ABCC9: variants seen among roughly 807,000 people sequenced by gnomAD.
ABCC9 encodes the protein ATP binding cassette subfamily C member 9, also known as ATP-binding cassette sub-family C member 9.
ABCC9 carries 95 observed loss-of-function variants against 188.3 expected under a neutral mutation model. The observed-to-expected ratio is 0.50, with a 90% CI of 0.43 to 0.60. The LOEUF (loss-of-function observed/expected upper bound fraction) is 0.60, where lower values mean the gene tolerates loss of function less well. Among genes scored for constraint, ABCC9 ranks in the 20% least tolerant of loss-of-function variants. The pLI, the probability that ABCC9 is intolerant of heterozygous loss-of-function variation, is 0.00. For synonymous variants in ABCC9, 659 were observed against 652.7 expected (o/e 1.01, Z -0.15); for missense variants, 1,102 against 1,876.3 (o/e 0.59, Z 7.62).
chr12:21,896,923 T>C (rs1947459383), intron 12 of ABCC9, among the ~76,000 whole-genome samples: 1 of 152,242 alleles, frequency 6.6e-6, no homozygotes, highest in Non-Finnish European at 1.5e-5. Flanking sequence ...TACATTCCTT[T>C]GGGTATATAC....
chr12:21,911,232 G>C (rs995275688), intron 8 of ABCC9, among the ~76,000 whole-genome samples: 5 of 151,822 alleles, frequency 3.3e-5, no homozygotes, highest in Non-Finnish European at 5.9e-5. Flanking sequence ...TTCCTGCAAA[G>C]GTATATCCAA....
At chr12:21,826,815 A>G (rs1288866939) in intron 31 of ABCC9, among the ~76,000 whole-genome samples, 1 of 152,166 alleles carries the variant, frequency 6.6e-6, no homozygotes, top group Non-Finnish European at 1.5e-5. Context: ...AAATCAACAA[A>G]CGTTTCTTGC....
intron 4 of ABCC9, among the ~76,000 whole-genome samples, chr12:21,931,653 T>C (rs1949293503): frequency 6.6e-6 from 1 of 152,148 alleles, no homozygotes; most frequent in South Asian, 2.1e-4. Flanking sequence ...GGAGTCTTCT[T>C]GTCCACATGA....
chr12:21,875,761 T>G, intron 16 of ABCC9, 35 bp from the exon 17 acceptor site: 2 of 1,492,468 alleles, frequency 1.3e-6, no homozygotes, highest in Non-Finnish European at 1.9e-6. Context: ...AAATTATATG[T>G]GTGGTATCAA....
chr12:21,870,000 A>C (rs1431565854), intron 18 of ABCC9, among the ~76,000 whole-genome samples: 2 of 152,178 alleles, frequency 1.3e-5, no homozygotes, highest in Non-Finnish European at 2.9e-5. Flanking sequence ...ATCAAACTAG[A>C]TGTTGAAGAT....
chr12:21,841,448 T>G lies in ABCC9; in HGVS notation c.3473+866A>C, dbSNP rs546686037. Among the ~76,000 whole-genome samples, 3 of 144,496 alleles carry G rather than the reference T, an allele frequency of 2.1e-5. No homozygotes were observed. In the East Asian group the frequency reaches 6.4e-4, roughly 31 times the overall value. The allele number at this position is 144,496 out of a possible 152,430, so 94.8% of individuals were successfully genotyped here. A position where few individuals can be genotyped will look rare whatever the true frequency, so the allele number is the denominator to read the frequency against. On this transcript the variant is annotated intron_variant, in intron 29 of 39. Coordinates refer to ENST00000261200, the MANE Select transcript of ABCC9 (RefSeq NM_020297.4). ...ATCTCAGCTCACTGCAAGCTCTGCCTCCCGGGTTCAAGCGATTCTACTGCC... is the reference window on the plus strand; with the variant it reads ...ATCTCAGCTCACTGCAAGCTCTGCCGCCCGGGTTCAAGCGATTCTACTGCC...
intron 2 of ABCC9, among the ~76,000 whole-genome samples, chr12:21,939,494 C>T (rs542412325): frequency 2.6e-5 from 4 of 152,252 alleles, no homozygotes; most frequent in Non-Finnish European, 4.4e-5. Flanking sequence ...TAATGTTTCC[C>T]TCCCAGACAC....
chr12:21,825,755 C>G (rs566196719), intron 31 of ABCC9, among the ~76,000 whole-genome samples: 7 of 152,118 alleles, frequency 4.6e-5, no homozygotes, highest in Non-Finnish European at 1.0e-4. Context: ...TACAAACATG[C>G]ATGTTCTGCG....
At chr12:21,891,796 C>G (rs1354394289) in intron 14 of ABCC9, among the ~76,000 whole-genome samples, 3 of 152,134 alleles carry the variant, frequency 2.0e-5, no homozygotes, top group African/African-American at 7.2e-5. Context: ...ATTTCAAAAT[C>G]AGCTGACCAA....
At chr12:21,912,845 T>C in intron 8 of ABCC9, 27 bp downstream of exon 8, 1 of 1,606,272 alleles carries the variant, frequency 6.2e-7, no homozygotes, top group African/African-American at 1.3e-5. Context: ...AATAATATGT[T>C]TCCATTGAAA....
intron 15 of ABCC9, among the ~76,000 whole-genome samples, chr12:21,883,521 A>G (rs1453992871): frequency 6.6e-6 from 1 of 152,154 alleles, no homozygotes; most frequent in African/African-American, 2.4e-5. Context: ...TCTTTCCTTT[A>G]TAAATTACCC....
At chr12:21,917,312 C>T (rs145742938) in intron 5 of ABCC9, among the ~76,000 whole-genome samples, 179 of 152,144 alleles carry the variant, frequency 1.2e-3, no homozygotes, top group African/African-American at 2.8e-3. Flanking sequence ...ATGTTGAGTG[C>T]GTCCATCCTG....
rs1942282778 is a variant in ABCC9 at position 21,812,098 on chromosome 12, T to C, written c.4162A>G (p.Arg1388Gly). ...GGATCCTGCAGAATGATTGAAAGTC[T>C]AGAACGTAGTGTGTGCAGTGGTAAT... ...SKLPLHTLRS[R>G]LSIILQDPIL... is the part of the protein sequence containing the mutation. Residue 1388 changes from arginine (R) to glycine (G), a missense_variant, in exon 36 of 40, where the codon AGA (arginine) becomes GGA (glycine). Transcript: ENST00000261200. 6.2e-7 allele frequency: 1 copy of C among 1,613,440 alleles called. No individual in the cohort carries two copies.
At chr12:21,852,635 G>T (rs891247642) in intron 22 of ABCC9, 130 bp from the exon 23 acceptor site, 6 of 1,165,928 alleles carry the variant, frequency 5.1e-6, no homozygotes, top group African/African-American at 3.1e-5. Context: ...TTAAAAAAAG[G>T]ATAAAGAAAA....
intron 16 of ABCC9, among the ~76,000 whole-genome samples, chr12:21,879,793 G>C (rs751340813): frequency 2.6e-5 from 4 of 151,748 alleles, no homozygotes; most frequent in Non-Finnish European, 4.4e-5. Context: ...CAAATTCAAA[G>C]GTGTGAGCCC....
Position 21,901,400 on chromosome 12 carries a change from C to T in ABCC9, c.1618+4726G>A, listed in dbSNP as rs537381185. On this transcript the variant is annotated intron_variant, in intron 12 of 39. Coordinates refer to ENST00000261200, the MANE Select transcript of ABCC9 (RefSeq NM_020297.4). ...GCTAGGAAGAAACTGCATCAACTAA[C>T]GAGCAAAATAACCAGCTAACATCAT... Among the ~76,000 whole-genome samples, 10 of 152,226 alleles carry T rather than the reference C, an allele frequency of 6.6e-5. No homozygotes were observed. The East Asian group carries it at 1.4e-3, about 21-fold the overall frequency.
At chr12:21,826,352 CTA>C (rs1943378759) in intron 31 of ABCC9, among the ~76,000 whole-genome samples, 1 of 151,978 alleles carries the variant, frequency 6.6e-6, no homozygotes, top group Non-Finnish European at 1.5e-5. Flanking sequence ...CTCCAAGGTA[CTA>C]TATCTCAACT....
At chr12:21,819,453 C>T (rs112272338) in intron 31 of ABCC9, among the ~76,000 whole-genome samples, 16 of 152,082 alleles carry the variant, frequency 1.1e-4, no homozygotes, top group Admixed American at 1.0e-3. Context: ...AAAAACAGCT[C>T]GAAAGATCAA....
intron 29 of ABCC9, among the ~76,000 whole-genome samples, chr12:21,840,175 AT>A (rs1031916219): frequency 6.6e-6 from 1 of 152,070 alleles, no homozygotes; most frequent in East Asian, 1.9e-4. Flanking sequence ...TTAAATATTC[AT>A]TTTTTCAGAG....
Sources: allele counts gnomAD v4.1 joint callset (sites outside exome capture counted in the v4.1 genomes callset), GRCh38; gene constraint gnomAD v4.1.1; transcripts MANE v1.5; gene names NCBI Gene and HGNC (gene_info 2026-07-23, HGNC 2026-07-21).